The following TAF1D variants were observed in gnomAD, a reference collection of about 807,000 sequenced individuals.
TAF1D encodes TATA-box binding protein associated factor, RNA polymerase I subunit D, also known as TATA box-binding protein-associated factor RNA polymerase I subunit D.
A neutral mutation model predicts 26.2 loss-of-function variants in TAF1D; 23 were observed. That is an observed-to-expected ratio of 0.88 (90% CI 0.63 to 1.25). TAF1D has a LOEUF of 1.25. Among genes scored for constraint, TAF1D ranks in the 50% most tolerant of loss-of-function variants. The pLI is 0.00. For synonymous variants in TAF1D, 100 were observed against 105.6 expected (o/e 0.95, Z 0.33); for missense variants, 299 against 322.0 (o/e 0.93, Z 0.55).
chr11:93,732,479 G>A, downstream of TAF1D: 1 of 518,626 alleles, frequency 1.9e-6, no homozygotes, highest in South Asian at 1.4e-5. Flanking sequence ...AAACTGCTGA[G>A]TGCAGATACC....
chr11:93,735,915 G>C lies in TAF1D; in HGVS notation c.*246C>G, dbSNP rs1940674134. The C allele has an allele frequency of 4.0e-6, 5 of 1,258,166 alleles. No homozygotes were observed. In the South Asian group the frequency reaches 7.9e-5, roughly 20 times the overall value. 77.9% of individuals were successfully genotyped at this position (1,258,166 alleles called of 1,614,324 possible). A position where few individuals can be genotyped will look rare whatever the true frequency, so the allele number is the denominator to read the frequency against. ...GTAAGCTCTTATTCAGAAATCAAAT[G>C]ACAATTTCTCAAATTTTTCTATGTA... is the stretch of plus-strand genomic sequence containing the variant. On this transcript the variant is annotated 3_prime_UTR_variant, in exon 6 of 6. Coordinates refer to ENST00000448108, the MANE Select transcript of TAF1D (RefSeq NM_024116.4).
At chr11:93,731,469 C>A (rs1256003277), downstream of TAF1D, 1 of 516,562 alleles carries the variant, frequency 1.9e-6, no homozygotes, top group African/African-American at 1.9e-5. Flanking sequence ...CTTTTATAAT[C>A]TTCTGAAATA....
downstream of TAF1D, chr11:93,732,824 C>T (rs1448800119): frequency 4.3e-6 from 1 of 235,106 alleles, no homozygotes; most frequent in African/African-American, 2.3e-5. Flanking sequence ...ATTGATTCAA[C>T]ATATCCACAC....
downstream of TAF1D, chr11:93,734,849 C>T: frequency 1.1e-6 from 1 of 947,472 alleles, no homozygotes; most frequent in Non-Finnish European, 1.4e-6. Context: ...CATCAAAGCT[C>T]AGTGCAGCCT....
chr11:93,737,302 T>A, intron 3 of TAF1D, 63 bp from the exon 4 acceptor site: 1 of 1,282,334 alleles, frequency 7.8e-7, no homozygotes, highest in South Asian at 1.6e-5. Flanking sequence ...CAGGTGCCTA[T>A]GTTCAAAAAG....
chr11:93,741,250 C>T, intron 1 of TAF1D, 72 bp downstream of exon 1: 1 of 449,910 alleles, frequency 2.2e-6, no homozygotes, highest in Non-Finnish European at 4.5e-6. Context: ...GAAGGGGCCC[C>T]GGGAAACCCC....
downstream of TAF1D, chr11:93,734,200 T>C (rs568675739): frequency 2.7e-3 from 414 of 155,908 alleles, no homozygotes; most frequent in Non-Finnish European, 4.7e-3. Context: ...AATGTGCCTG[T>C]AAGTTACGAC....
downstream of TAF1D, chr11:93,734,832 G>A: frequency 2.8e-6 from 3 of 1,073,240 alleles, no homozygotes; most frequent in East Asian, 1.8e-4. Flanking sequence ...CTGGAGTACA[G>A]TGGTGCCATC....
Position 93,736,584 on chromosome 11 carries a change from A to G in TAF1D, c.693+110T>C, listed in dbSNP as rs143952497. 430 of 1,479,840 alleles carry G rather than the reference A, an allele frequency of 2.9e-4. 8 individuals carry two copies. In the East Asian group the frequency reaches 0.011, roughly 36 times the overall value. The allele number at this position is 1,479,840 out of a possible 1,614,324, so 91.7% of individuals were successfully genotyped here. Reference sequence around the variant, plus strand: ...TGCATTTCCTGCAGTAAACTTATAGAGCTTTTCAAAAGTTAAATGAAGTGT... The same window carrying G: ...TGCATTTCCTGCAGTAAACTTATAGGGCTTTTCAAAAGTTAAATGAAGTGT... On this transcript the variant is annotated intron_variant, in intron 5 of 5. Transcript: ENST00000448108.
At chr11:93,732,087 A>G (rs559613749), downstream of TAF1D, 10 of 519,052 alleles carry the variant, frequency 1.9e-5, no homozygotes, top group East Asian at 1.6e-4. Context: ...CACATTAACT[A>G]TTTTTGGACA....
At chr11:93,735,117 C>A (rs1335361656), downstream of TAF1D, 1 of 1,342,754 alleles carries the variant, frequency 7.4e-7, no homozygotes. Context: ...TCATAATATC[C>A]CTTCTTATAT....
downstream of TAF1D, chr11:93,733,643 C>T (rs369554319): frequency 4.1e-6 from 2 of 491,808 alleles, no homozygotes; most frequent in Non-Finnish European, 8.0e-6. Flanking sequence ...ACAGGATCTG[C>T]CATGTCTTTT....
downstream of TAF1D, chr11:93,733,166 G>A: frequency 2.0e-6 from 1 of 508,106 alleles, no homozygotes; most frequent in Non-Finnish European, 3.9e-6. Context: ...TACATTTCCA[G>A]TTATTAAAAC....
Position 93,737,177 on chromosome 11 carries a change from T to C in TAF1D, c.522A>G (p.Lys174=). 2 of 1,612,526 alleles carry C rather than the reference T, an allele frequency of 1.2e-6. No homozygotes were observed. The highest frequency in any genetic ancestry group is 2.2e-5 in the East Asian group (1 of 44,798). ...CAACATTCATTTGCTTCAATGATTC[T>C]TTCAGGTGGTGTTCATACTTCAGTT... ...IEKLKYEHHL[K]ESLKQMNVGE... The change falls in exon 4 of 6, where the codon AAA becomes AAG. Residue 174 remains lysine (K), a synonymous_variant. Transcript: ENST00000448108.
chr11:93,731,159 T>C (rs1591208143), downstream of TAF1D: 9 of 473,238 alleles, frequency 1.9e-5, no homozygotes, highest in East Asian at 5.0e-4. Context: ...CCATAATTAC[T>C]TTGGCTTCTG....
chr11:93,738,282 TTTTC>T lies in TAF1D; in HGVS notation c.282_285del (p.Lys95ArgfsTer24). On this transcript the variant is annotated frameshift_variant, in exon 3 of 6. Transcript: ENST00000448108. LOFTEE classifies it high-confidence loss of function. ...CTTCCTGTTGGCTGGTACCTCCTCTTTTTCTTTTTTTTATATCTCTTTTTCCTGT... is the reference window on the plus strand; with the variant it reads ...CTTCCTGTTGGCTGGTACCTCCTCTTTTTTTTTTATATCTCTTTTTCCTGT... 3.1e-6 allele frequency: 5 copies of T among 1,609,402 alleles called. No homozygotes were observed. Among genetic ancestry groups the T allele is most frequent in the Non-Finnish European group, 4.2e-6 (5 of 1,178,966 alleles).
At chr11:93,731,172 A>T, downstream of TAF1D, 2 of 462,778 alleles carry the variant, frequency 4.3e-6, no homozygotes, top group South Asian at 3.3e-5. Context: ...GGCTTCTGTC[A>T]TCTCGTTTTA....
chr11:93,739,417 G>A, intron 1 of TAF1D, 86 bp from the exon 2 acceptor site: 1 of 802,096 alleles, frequency 1.2e-6, no homozygotes, highest in African/African-American at 1.7e-5. Flanking sequence ...GTCAGACTAT[G>A]CCAATGATTT....
Position 93,735,873 on chromosome 11 carries a change from A to G in TAF1D, c.*288T>C, listed in dbSNP as rs529926059. 2.2e-5 allele frequency: 25 copies of G among 1,140,198 alleles called. No homozygotes were observed. Among genetic ancestry groups the G allele is most frequent in the South Asian group, 1.8e-4 (7 of 38,288 alleles). 70.6% of individuals were successfully genotyped at this position (1,140,198 alleles called of 1,614,324 possible). On this transcript the variant is annotated 3_prime_UTR_variant, in exon 6 of 6. Coordinates refer to ENST00000448108, the MANE Select transcript of TAF1D (RefSeq NM_024116.4). The stretch of plus-strand genomic sequence containing the variant: ...AAAATCACTACATTTCATTGTTTCA[A>G]TACTCACAGGACACCTGTAAGCTCT...
Sources: gnomAD v4.1 joint callset for allele counts on GRCh38, gnomAD v4.1.1 for gene constraint, MANE v1.5 for transcripts, NCBI Gene and HGNC (gene_info 2026-07-23, HGNC 2026-07-21) for gene names.